The following MCM3AP variants were observed in gnomAD, a reference collection of about 807,000 sequenced individuals.
MCM3AP encodes germinal-center associated nuclear protein.
In MCM3AP, 126 loss-of-function variants were observed where a neutral mutation model predicts 184.1. The ratio of observed to expected loss-of-function variants is 0.68; its 90% CI spans 0.59 to 0.79. The LOEUF (loss-of-function observed/expected upper bound fraction) is 0.79. Ranked by LOEUF, MCM3AP falls within the 30% of genes least tolerant of loss-of-function variation. The pLI is 0.00. For missense variants in MCM3AP, 2,496 were observed against 2,479.2 expected, an observed-to-expected ratio of 1.01 and a Z score of -0.14; for synonymous variants, 1,002 against 979.3, an observed-to-expected ratio of 1.02 and a Z score of -0.43.
In MCM3AP at chr21:46,275,355, G is replaced by A. The variant is rs1426168174; in HGVS notation, c.1859-30C>T. 2.5e-6 allele frequency: 4 copies of A among 1,595,554 alleles called. No individual in the cohort carries two copies. The South Asian group carries it at 3.4e-5, about 14-fold the overall frequency. On this transcript the variant is annotated intron_variant, in intron 5 of 27. Coordinates refer to ENST00000291688, the MANE Select transcript of MCM3AP (RefSeq NM_003906.5). ...ATGACGTCAAGTAAAAGGTAAGAAT[G>A]TACCACATGGTTAGCACGAACCTAC...
intron 4 of MCM3AP, 91 bp from the exon 5 acceptor site, chr21:46,277,808 T>A: frequency 2.8e-6 from 2 of 724,800 alleles, no homozygotes; most frequent in South Asian, 4.8e-5. Context: ...TCTTTCAAGA[T>A]TTTCTGGTCC....
chr21:46,254,759 G>C lies in MCM3AP; in HGVS notation c.4001+17C>G, dbSNP rs778311952. The C allele has an allele frequency of 6.2e-7, 1 of 1,610,162 alleles. No individual in the cohort carries two copies. Among genetic ancestry groups the C allele is most frequent in the Non-Finnish European group, 8.5e-7 (1 of 1,176,610 alleles). ...GGGATCACCAGGGGGTGCGCAGAAG[G>C]GTGCAGCATGACAGACCTCAGCAGC... On this transcript the variant is annotated intron_variant, in intron 18 of 27. Coordinates refer to ENST00000291688, the MANE Select transcript of MCM3AP (RefSeq NM_003906.5).
At position 46,242,524 on chromosome 21, in the gene MCM3AP, T is replaced by G. The variant is rs146530010; in HGVS notation, c.5426+278A>C. On this transcript the variant is annotated intron_variant, in intron 25 of 27. Transcript: ENST00000291688. ...CATACTTGTGAACTTTTTTAGGTAC[T>G]GTGCTTTGGAACCAAATTTGGAAGT... The G allele has an allele frequency of 2.0e-3, 477 of 240,864 alleles. 3 individuals are homozygous for G. The highest frequency in any genetic ancestry group is 8.3e-3 in the African/African-American group (369 of 44,678). 14.9% of individuals were successfully genotyped at this position (240,864 alleles called of 1,614,324 possible).
intron 19 of MCM3AP, chr21:46,251,892 T>TTTTTC: frequency 2.6e-6 from 1 of 387,100 alleles, no homozygotes; most frequent in Admixed American, 4.0e-5. Context: ...TTTTTTTTTT[T>TTTTTC]TTTTTTTTTT....
At chr21:46,236,039 C>T (rs2080518562) in intron 27 of MCM3AP, among the ~76,000 whole-genome samples, 1 of 152,146 alleles carries the variant, frequency 6.6e-6, no homozygotes, top group Admixed American at 6.5e-5. Context: ...TATTCTGTTT[C>T]GACTTTCATA....
intron 16 of MCM3AP, among the ~76,000 whole-genome samples, chr21:46,258,639 G>C (rs2080992350): frequency 6.6e-6 from 1 of 152,126 alleles, no homozygotes; most frequent in South Asian, 2.1e-4. Flanking sequence ...CCAGCACCTA[G>C]TGCAGTGGGC....
chr21:46,280,966 G>A (rs1158579016), intron 2 of MCM3AP, among the ~76,000 whole-genome samples: 2 of 152,106 alleles, frequency 1.3e-5, no homozygotes, highest in East Asian at 1.9e-4. Flanking sequence ...CACCACATCC[G>A]GCTAATTTTT....
At chr21:46,268,718 A>G (rs2081143422) in intron 9 of MCM3AP, among the ~76,000 whole-genome samples, 1 of 152,254 alleles carries the variant, frequency 6.6e-6, no homozygotes, top group Non-Finnish European at 1.5e-5. Flanking sequence ...GCTTTTCTAA[A>G]GAAAAATACC....
intron 14 of MCM3AP, 105 bp from the exon 15 acceptor site, chr21:46,261,011 T>G (rs2081034331): frequency 1.0e-6 from 1 of 975,512 alleles, no homozygotes; most frequent in African/African-American, 1.6e-5. Context: ...GTGTGCTGCC[T>G]GAGTCGGTAG....
At position 46,275,845 on chromosome 21, in the gene MCM3AP, T is replaced by C. The variant is rs532140732; in HGVS notation, c.1859-520A>G. Among the ~76,000 whole-genome samples, 3 of 152,358 alleles carry C rather than the reference T, an allele frequency of 2.0e-5. No individual in the cohort carries two copies. The South Asian group carries it at 6.2e-4, about 32-fold the overall frequency. ...ATATAATGGACGTTAACTGGGTTCT[T>C]ACCTGAATGAGTAAACTGCTATTAC... On this transcript the variant is annotated intron_variant, in intron 5 of 27. Transcript: ENST00000291688.
chr21:46,236,601 T>C (rs1339080024), intron 27 of MCM3AP, among the ~76,000 whole-genome samples: 2 of 152,248 alleles, frequency 1.3e-5, no homozygotes, highest in Admixed American at 6.5e-5. Flanking sequence ...ATTCAGTTCT[T>C]AAGAATATTT....
chr21:46,250,017 A>G (rs1263134071), intron 20 of MCM3AP: 1 of 156,092 alleles, frequency 6.4e-6, no homozygotes, highest in African/African-American at 2.4e-5. Context: ...CCCACAGATG[A>G]GAGTTCCAGG....
intron 26 of MCM3AP, among the ~76,000 whole-genome samples, chr21:46,239,543 C>A (rs1048882016): frequency 2.0e-5 from 3 of 152,148 alleles, no homozygotes; most frequent in Admixed American, 2.0e-4. Flanking sequence ...GAGATGACCA[C>A]CAAAGGAAGG....
Position 46,254,484 on chromosome 21 carries a change from A to G in MCM3AP, c.4044T>C (p.Ala1348=), listed in dbSNP as rs1286364962. 8.1e-6 allele frequency: 13 copies of G among 1,614,070 alleles called. No individual in the cohort carries two copies. The African/African-American group carries it at 1.7e-4, about 22-fold the overall frequency. The change falls in exon 19 of 28, where the codon GCT becomes GCC. Residue 1348 remains alanine, a synonymous_variant. Coordinates refer to ENST00000291688, the MANE Select transcript of MCM3AP (RefSeq NM_003906.5). ...GCTCCTGCCTCCCAGGGAGGTGCTC[A>G]GCCACGAGGGATGGCAGGTCCAGAG... The part of the protein sequence containing the change: ...WASLDLPSLV[A]EHLPGRQEHV...
chr21:46,256,414 G>A (rs889619837), intron 17 of MCM3AP: 3 of 229,820 alleles, frequency 1.3e-5, no homozygotes, highest in Non-Finnish European at 2.6e-5. Flanking sequence ...GGGATGGGGC[G>A]GGGATGGGAT....
At chr21:46,239,135 A>C (rs1037123943) in intron 26 of MCM3AP, among the ~76,000 whole-genome samples, 2 of 152,230 alleles carry the variant, frequency 1.3e-5, no homozygotes, top group African/African-American at 4.8e-5. Flanking sequence ...CCCAACTGTG[A>C]ACTGCCTACC....
chr21:46,264,800 AGCCATGCCC>A (rs2081088265), intron 12 of MCM3AP, among the ~76,000 whole-genome samples: 1 of 276 alleles, frequency 3.6e-3, no homozygotes, highest in Admixed American at 0.056. Context: ...CAGCCACCCC[AGCCATGCCC>A]ATCAGGGGGC....
rs1456226607 is a variant in MCM3AP, at chr21:46,284,192, G to A, written c.1095C>T (p.Gly365=). 6.2e-7 allele frequency: 1 copy of A among 1,614,170 alleles called. No homozygotes were observed. The highest frequency in any genetic ancestry group is 1.1e-5 in the South Asian group (1 of 91,076). The part of the protein sequence containing the change: ...LGNKEAKKET[G]FVESAESDHM... Reference sequence around the variant, plus strand: ...GGTCACTTTCTGCAGACTCAACAAAGCCAGTTTCCTTTTTGGCCTCCTTGT... The same window carrying A: ...GGTCACTTTCTGCAGACTCAACAAAACCAGTTTCCTTTTTGGCCTCCTTGT... The change falls in exon 1 of 28, where the codon GGC becomes GGT. Residue 365 remains glycine (G), a synonymous_variant. Transcript: ENST00000291688.
chr21:46,284,098 C>G lies in MCM3AP; in HGVS notation c.1189G>C (p.Glu397Gln). The change falls in exon 1 of 28, where the codon GAA (glutamate) becomes CAA (glutamine). Residue 397 changes from glutamate (E) to glutamine (Q), a missense_variant. Physicochemically the swap from Glu to Gln is conservative, Grantham distance 29 (BLOSUM62 2). Coordinates refer to ENST00000291688, the MANE Select transcript of MCM3AP (RefSeq NM_003906.5). Reference sequence around the variant, plus strand: ...TTCTTCTCTCTACTTTCAGTTTCTTCCTCTTTATTCACACCTGGAATCCGG... The same window carrying G: ...TTCTTCTCTCTACTTTCAGTTTCTTGCTCTTTATTCACACCTGGAATCCGG... ...PSRIPGVNKEEETESREKKED... is the reference protein window; with the variant it reads ...PSRIPGVNKEQETESREKKED... The G allele has an allele frequency of 6.2e-7, 1 of 1,613,428 alleles. No homozygotes were observed. Among genetic ancestry groups the G allele is most frequent in the Non-Finnish European group, 8.5e-7 (1 of 1,179,702 alleles).
Sources: gnomAD v4.1 joint callset for allele counts (sites outside exome capture counted in the v4.1 genomes callset) on GRCh38, gnomAD v4.1.1 for gene constraint, MANE v1.5 for transcripts, NCBI Gene and HGNC (gene_info 2026-07-23, HGNC 2026-07-21) for gene names.